Variants in ICA1 observed in about 807,000 individuals in gnomAD.
The protein encoded by ICA1 is 69 kDa islet cell autoantigen.
A neutral mutation model predicts 71.0 loss-of-function variants in ICA1; 40 were observed. That is an observed-to-expected ratio of 0.56 (90% CI 0.44 to 0.73). The LOEUF (loss-of-function observed/expected upper bound fraction) is 0.73, where lower values mean the gene tolerates loss of function less well. ICA1 is among the 30% of genes least tolerant of loss of function. The probability of loss-of-function intolerance (pLI) is 0.00; values close to 1 mark genes in which losing one functional copy is unlikely to be tolerated. For synonymous variants in ICA1, 207 were observed against 209.5 expected (o/e 0.99, Z 0.10); for missense variants, 578 against 576.5 (o/e 1.00, Z -0.03).
At chr7:8,221,062 T>A (rs189853075) in intron 5 of ICA1, among the ~76,000 whole-genome samples, 52 of 151,740 alleles carry the variant, frequency 3.4e-4, no homozygotes, top group Middle Eastern at 3.2e-3. Flanking sequence ...TGAAAAAAAA[T>A]TTTTTTTAAT....
chr7:8,161,136 G>A (rs559158100), intron 6 of ICA1, among the ~76,000 whole-genome samples: 7 of 152,332 alleles, frequency 4.6e-5, no homozygotes, highest in African/African-American at 1.7e-4. Context: ...TGCCTGGTGT[G>A]TGTCAGGACC....
intron 6 of ICA1, among the ~76,000 whole-genome samples, chr7:8,199,627 T>A (rs747755502): frequency 5.3e-5 from 8 of 152,116 alleles, no homozygotes; most frequent in Non-Finnish European, 1.2e-4. Context: ...GGCAGGAGAA[T>A]TGCCTGAACC....
At chr7:8,248,843 C>T (rs764926466) in intron 1 of ICA1, among the ~76,000 whole-genome samples, 7 of 152,164 alleles carry the variant, frequency 4.6e-5, no homozygotes, top group African/African-American at 9.7e-5. Context: ...TTCCTAAACA[C>T]CAGCTTCATA....
intron 6 of ICA1, among the ~76,000 whole-genome samples, chr7:8,165,847 A>C (rs1168989510): frequency 6.6e-6 from 1 of 152,234 alleles, no homozygotes; most frequent in Non-Finnish European, 1.5e-5. Context: ...TGAGAATTAC[A>C]AAACACTGCT....
chr7:8,215,529 A>G (rs1261683154), intron 6 of ICA1, among the ~76,000 whole-genome samples: 1 of 152,180 alleles, frequency 6.6e-6, no homozygotes. Flanking sequence ...TCCACAGATG[A>G]CTGCACAAGA....
At chr7:8,196,075 T>C (rs12540548) in intron 6 of ICA1, among the ~76,000 whole-genome samples, 70,285 of 152,028 alleles carry the variant, frequency 0.46, 20,165 homozygotes, top group South Asian at 0.72. Flanking sequence ...TTACAGCATC[T>C]TTATTCATAG....
At chr7:8,205,729 A>G (rs766046241) in intron 6 of ICA1, among the ~76,000 whole-genome samples, 45 of 152,242 alleles carry the variant, frequency 3.0e-4, no homozygotes, top group Admixed American at 4.6e-4. Context: ...GAAGACTCCC[A>G]AAGAAAAGGA....
intron 1 of ICA1, among the ~76,000 whole-genome samples, chr7:8,241,509 T>G (rs1340715429): frequency 6.6e-6 from 1 of 152,052 alleles, no homozygotes; most frequent in Non-Finnish European, 1.5e-5. Context: ...CTGCATCAAC[T>G]AATAGGCAAA....
chr7:8,120,207 G>C (rs192893926), intron 13 of ICA1, among the ~76,000 whole-genome samples: 8 of 152,336 alleles, frequency 5.3e-5, no homozygotes, highest in African/African-American at 1.9e-4. Context: ...ACAACAGCCA[G>C]TTTGCCAAGT....
intron 12 of ICA1, 43 bp from the exon 13 acceptor site, chr7:8,128,185 C>T (rs1255255756): frequency 1.3e-6 from 2 of 1,590,436 alleles, no homozygotes; most frequent in East Asian, 2.2e-5. Flanking sequence ...ACGGAGGGCT[C>T]AAGCCCTCAG....
chr7:8,118,479 G>A (rs1396635637), intron 13 of ICA1, among the ~76,000 whole-genome samples: 1 of 152,154 alleles, frequency 6.6e-6, no homozygotes, highest in Non-Finnish European at 1.5e-5. Context: ...AGTGGGTGAA[G>A]TTTTGGCATA....
chr7:8,226,313 C>T lies in ICA1; in HGVS notation c.256+2288G>A, dbSNP rs1798586318. Among the ~76,000 whole-genome samples, 1 of 152,084 alleles carries T rather than the reference C, an allele frequency of 6.6e-6. No homozygotes were observed. The highest frequency in any genetic ancestry group is 2.1e-4 in the South Asian group (1 of 4,828). ...TTTCTGGTTTATCCTTCCTAAATTTCCTTTGCACAATGAGCAGGCTTGCTC... is the reference window on the plus strand; with the variant it reads ...TTTCTGGTTTATCCTTCCTAAATTTTCTTTGCACAATGAGCAGGCTTGCTC... On this transcript the variant is annotated intron_variant, in intron 4 of 13. Transcript: ENST00000402384. The surrounding 1 kb of genome is among the most constrained non-coding windows in gnomAD (Gnocchi z 4.4).
rs1796292306 is a variant in ICA1, at chr7:8,144,667, A to G, written c.805-695T>C. Among the ~76,000 whole-genome samples the G allele has an allele frequency of 6.6e-6, 1 of 152,074 alleles. No individual in the cohort carries two copies. Among genetic ancestry groups the G allele is most frequent in the South Asian group, 2.1e-4 (1 of 4,828 alleles). ...TTTTTTTTAAACAGCAAGTGCCTAG[A>G]AACTGTATACCAGTGACAATGATCC... On this transcript the variant is annotated intron_variant, in intron 8 of 13. Transcript: ENST00000402384. The surrounding 1 kb of genome is among the most constrained non-coding windows in gnomAD (Gnocchi z 4.5).
intron 10 of ICA1, among the ~76,000 whole-genome samples, chr7:8,140,290 A>G (rs1562616509): frequency 6.6e-6 from 1 of 152,166 alleles, no homozygotes; most frequent in Non-Finnish European, 1.5e-5. Context: ...GAGCAGGCCC[A>G]GCTGCTCCCT....
chr7:8,176,463 T>C (rs1308385699), intron 6 of ICA1, among the ~76,000 whole-genome samples: 1 of 152,218 alleles, frequency 6.6e-6, no homozygotes, highest in Non-Finnish European at 1.5e-5. Flanking sequence ...GACAAAACCG[T>C]GGTAAGTGCC....
At position 8,234,167 on chromosome 7, in the gene ICA1, G is replaced by T. The variant is rs1224459842; in HGVS notation, c.18-1412C>A. 1.3e-5 allele frequency among the ~76,000 whole-genome samples: 2 copies of T among 152,134 alleles called. No homozygotes were observed. Among genetic ancestry groups the T allele is most frequent in the African/African-American group, 2.4e-5 (1 of 41,426 alleles). On this transcript the variant is annotated intron_variant, in intron 2 of 13. Coordinates refer to ENST00000402384, the MANE Select transcript of ICA1 (RefSeq NM_001136020.3). This position sits in a 1 kb window ranked among gnomAD's most constrained non-coding sequence, Gnocchi z 4.5. ...GGAGTTTGAGGCTGCAGGGAGCCGTGATCACACCACTGCACTTCATCCTGG... is the reference window on the plus strand; with the variant it reads ...GGAGTTTGAGGCTGCAGGGAGCCGTTATCACACCACTGCACTTCATCCTGG...
chr7:8,142,808 G>C (rs1308803338), intron 9 of ICA1, among the ~76,000 whole-genome samples: 1 of 152,182 alleles, frequency 6.6e-6, no homozygotes. Flanking sequence ...CCATCACCAG[G>C]AATGGGTTAA....
At chr7:8,133,080 A>G (rs13243898) in intron 12 of ICA1, among the ~76,000 whole-genome samples, 16,577 of 152,234 alleles carry the variant, frequency 0.11, 1,081 homozygotes, top group Non-Finnish European at 0.16. Flanking sequence ...TAACCCATTC[A>G]TGGATTAATG....
At chr7:8,235,019 C>T (rs1412437824) in intron 2 of ICA1, among the ~76,000 whole-genome samples, 1 of 152,042 alleles carries the variant, frequency 6.6e-6, no homozygotes, top group Non-Finnish European at 1.5e-5. Context: ...CAAAAATTAG[C>T]CAGGCGTGGT....
Sources: allele counts gnomAD v4.1 joint callset (sites outside exome capture counted in the v4.1 genomes callset), GRCh38; gene constraint gnomAD v4.1.1; non-coding constraint Gnocchi (gnomAD v3.1); transcripts MANE v1.5; gene names NCBI Gene and HGNC (gene_info 2026-07-23, HGNC 2026-07-21).